CAMK4: variants seen among roughly 807,000 people sequenced by gnomAD.
CAMK4 encodes the protein calcium/calmodulin dependent protein kinase IV.
CAMK4 carries 22 observed loss-of-function variants against 44.9 expected under a neutral mutation model. The observed-to-expected ratio is 0.49, with a 90% CI of 0.35 to 0.70. The LOEUF is 0.70. Ranked by LOEUF, CAMK4 falls within the 30% of genes least tolerant of loss-of-function variation. The pLI, the probability that CAMK4 is intolerant of heterozygous loss-of-function variation, is 0.01. For missense variants in CAMK4, 498 were observed against 586.8 expected (o/e 0.85, Z 1.56); for synonymous variants, 218 against 215.4 (o/e 1.01, Z -0.11).
At chr5:111,350,880 A>G (rs1750077383) in intron 2 of CAMK4, among the ~76,000 whole-genome samples, 1 of 151,998 alleles carries the variant, frequency 6.6e-6, no homozygotes, top group Non-Finnish European at 1.5e-5. Flanking sequence ...CATTCTTATG[A>G]GTTAGCATTT....
rs879823418 is a variant in CAMK4 at position 111,475,598 on chromosome 5, G to A, written c.701+2212G>A. The stretch of plus-strand genomic sequence containing the variant: ...TTTCTTTTATCTTTATACACTTTAG[G>A]TAATTAATTAATAGGTTTAGTTGAA... On this transcript the variant is annotated intron_variant, in intron 8 of 10. Coordinates refer to ENST00000282356, the MANE Select transcript of CAMK4 (RefSeq NM_001744.6). Among the ~76,000 whole-genome samples the A allele has an allele frequency of 2.2e-4, 34 of 152,184 alleles. 1 individual carries two copies. The highest frequency in any genetic ancestry group is 2.1e-3 in the Admixed American group (32 of 15,290).
intron 1 of CAMK4, among the ~76,000 whole-genome samples, chr5:111,291,039 A>G (rs1747232248): frequency 1.3e-5 from 2 of 152,242 alleles, no homozygotes; most frequent in Non-Finnish European, 2.9e-5. Flanking sequence ...ATTGACAATT[A>G]TAAGTGAAAT....
At chr5:111,279,992 G>A (rs942080678) in intron 1 of CAMK4, among the ~76,000 whole-genome samples, 2 of 152,238 alleles carry the variant, frequency 1.3e-5, no homozygotes, top group South Asian at 4.2e-4. Flanking sequence ...TTATACAGCC[G>A]GTATTCACAG....
At chr5:111,261,151 A>C (rs1749957123) in intron 1 of CAMK4, among the ~76,000 whole-genome samples, 1 of 152,136 alleles carries the variant, frequency 6.6e-6, no homozygotes, top group Admixed American at 6.5e-5. Flanking sequence ...CACAGTGAAG[A>C]TTTCCCTGAT....
At chr5:111,420,027 C>A (rs1752966749) in intron 5 of CAMK4, among the ~76,000 whole-genome samples, 2 of 151,748 alleles carry the variant, frequency 1.3e-5, no homozygotes, top group Admixed American at 1.3e-4. Context: ...TATAAATTAC[C>A]TTGGGCAGTA....
At chr5:111,319,650 G>A (rs897274745) in intron 1 of CAMK4, among the ~76,000 whole-genome samples, 1 of 152,124 alleles carries the variant, frequency 6.6e-6, no homozygotes, top group East Asian at 1.9e-4. Context: ...TTGTAAATGA[G>A]TGAGAAGATA....
Position 111,320,050 on chromosome 5 carries a change from C to T in CAMK4, c.162-23974C>T, listed in dbSNP as rs140813953. 1.4e-3 allele frequency among the ~76,000 whole-genome samples: 209 copies of T among 152,186 alleles called. 2 individuals are homozygous for T. The highest frequency in any genetic ancestry group is 2.5e-3 in the Non-Finnish European group (168 of 68,002). ...AATGTGATTTATGTGCCATACGAGA[C>T]GGTGGTTATATTGGATTCATTAATG... is the stretch of plus-strand genomic sequence containing the variant. On this transcript the variant is annotated intron_variant, in intron 1 of 10. Transcript: ENST00000282356.
chr5:111,399,197 T>G (rs1349844415), intron 5 of CAMK4, among the ~76,000 whole-genome samples: 1 of 152,160 alleles, frequency 6.6e-6, no homozygotes, highest in African/African-American at 2.4e-5. Flanking sequence ...ACTGGCCTTG[T>G]TTTCCGACCC....
chr5:111,242,091 CA>C (rs1297050874), intron 1 of CAMK4, among the ~76,000 whole-genome samples: 2 of 152,196 alleles, frequency 1.3e-5, no homozygotes, highest in African/African-American at 4.8e-5. Context: ...CACTCACCCC[CA>C]AACAACAGCC....
intron 7 of CAMK4, among the ~76,000 whole-genome samples, chr5:111,452,365 C>T (rs1754267771): frequency 6.6e-6 from 1 of 152,156 alleles, no homozygotes; most frequent in Non-Finnish European, 1.5e-5. Flanking sequence ...TAATGGTGAT[C>T]CAGCAAAGGT....
intron 1 of CAMK4, among the ~76,000 whole-genome samples, chr5:111,313,406 T>C (rs1473017915): frequency 6.6e-6 from 1 of 152,124 alleles, no homozygotes; most frequent in Non-Finnish European, 1.5e-5. Context: ...TTTTAATATG[T>C]CCTTATACTT....
At chr5:111,433,191 G>A (rs529078701) in intron 5 of CAMK4, among the ~76,000 whole-genome samples, 1 of 152,236 alleles carries the variant, frequency 6.6e-6, no homozygotes, top group African/African-American at 2.4e-5. Flanking sequence ...TATTCTTTGG[G>A]TCAGGACTGC....
chr5:111,467,968 A>ACACACACACC (rs1580793344), intron 7 of CAMK4, among the ~76,000 whole-genome samples: 1 of 146,242 alleles, frequency 6.8e-6, no homozygotes, highest in South Asian at 2.1e-4. Context: ...ACACACACAC[A>ACACACACACC]CACCATGGAA....
chr5:111,335,773 A>T (rs1301627649), intron 1 of CAMK4, among the ~76,000 whole-genome samples: 1 of 151,310 alleles, frequency 6.6e-6, no homozygotes, highest in African/African-American at 2.4e-5. Context: ...TTTACAGAAC[A>T]ATGTGTGGGG....
chr5:111,473,487 CT>C, intron 8 of CAMK4, 101 bp downstream of exon 8: 1 of 763,112 alleles, frequency 1.3e-6, no homozygotes, highest in Non-Finnish European at 2.2e-6. Context: ...TACTTTTTGC[CT>C]TTTTGTGATT....
chr5:111,273,747 T>TCACACACACATA (rs1561378147), intron 1 of CAMK4, among the ~76,000 whole-genome samples: 2 of 89,726 alleles, frequency 2.2e-5, no homozygotes, highest in Non-Finnish European at 5.0e-5. Flanking sequence ...ACACACACGC[T>TCACACACACATA]CACACACACA....
intron 5 of CAMK4, among the ~76,000 whole-genome samples, chr5:111,404,817 G>A (rs1752356843): frequency 6.6e-6 from 1 of 152,064 alleles, no homozygotes; most frequent in Non-Finnish European, 1.5e-5. Context: ...TAGTTGGTTG[G>A]GGACTTACTA....
At chr5:111,313,351 G>GT (rs1220391128) in intron 1 of CAMK4, among the ~76,000 whole-genome samples, 1 of 151,982 alleles carries the variant, frequency 6.6e-6, no homozygotes, top group African/African-American at 2.4e-5. Context: ...AACTTGAGAT[G>GT]TTTTTTCCCT....
chr5:111,383,325 A>G (rs1196767726), intron 4 of CAMK4, among the ~76,000 whole-genome samples: 3 of 152,224 alleles, frequency 2.0e-5, no homozygotes, highest in African/African-American at 7.2e-5. Context: ...TAGATTAATC[A>G]AAGCAATTTT....
Sources: gnomAD v4.1 joint callset for allele counts (sites outside exome capture counted in the v4.1 genomes callset) on GRCh38, gnomAD v4.1.1 for gene constraint, MANE v1.5 for transcripts, NCBI Gene and HGNC (gene_info 2026-07-23, HGNC 2026-07-21) for gene names.